PER2: variants seen among roughly 807,000 people sequenced by gnomAD.
PER2 encodes the protein period circadian protein homolog 2.
Under a neutral mutation model 121.0 loss-of-function variants are expected in PER2, and 66 were observed. That is an observed-to-expected ratio of 0.55 (90% CI 0.45 to 0.67). The LOEUF is 0.67. PER2 is among the 30% of genes least tolerant of loss of function. The pLI is 0.00. For missense variants in PER2, 1,521 were observed against 1,635.0 expected (o/e 0.93, Z 1.20); for synonymous variants, 684 against 659.9 (o/e 1.04, Z -0.56).
upstream of PER2, chr2:238,288,622 G>A (rs1402598603): frequency 1.3e-5 from 2 of 150,596 alleles, no homozygotes; most frequent in Non-Finnish European, 3.0e-5. Context: ...AAGCCGCAGC[G>A]GGGCCGCGCC....
Position 238,250,580 on chromosome 2 carries a change from G to A in PER2, c.3438C>T (p.Ser1146=), listed in dbSNP as rs140643763. The A allele has an allele frequency of 7.5e-5, 121 of 1,613,338 alleles. No individual in the cohort carries two copies. The African/African-American group carries it at 1.3e-3, about 17-fold the overall frequency. Reference sequence around the variant, plus strand: ...AAGGCAGCTGGTACGTCATCATGACGCTGCTGTCCGCATCTGCCATCAGCA... The same window carrying A: ...AAGGCAGCTGGTACGTCATCATGACACTGCTGTCCGCATCTGCCATCAGCA... The part of the protein sequence containing the change: ...IWLLMADADS[S]VMMTYQLPSR... The change falls in exon 21 of 23, where the codon AGC becomes AGT. Residue 1146 remains serine (S), a synonymous_variant. Coordinates refer to ENST00000254657, the MANE Select transcript of PER2 (RefSeq NM_022817.3).
intron 20 of PER2, 76 bp downstream of exon 20, chr2:238,251,523 G>A: frequency 4.4e-6 from 6 of 1,364,894 alleles, no homozygotes; most frequent in Non-Finnish European, 5.2e-6. Context: ...GAGCACAGAG[G>A]CCGGCCTGTG....
Position 238,271,414 on chromosome 2 carries a change from C to T in PER2, c.670G>A (p.Asp224Asn), listed in dbSNP as rs758101911. The T allele has an allele frequency of 1.5e-5, 24 of 1,614,030 alleles. No individual in the cohort carries two copies. Among genetic ancestry groups the T allele is most frequent in the African/African-American group, 2.7e-5 (2 of 75,068 alleles). The change falls in exon 6 of 23, where the codon GAT (aspartate) becomes AAT (asparagine). Residue 224 changes from aspartate to asparagine, a missense_variant. Asp to Asn is a conservative substitution (Grantham distance 23). Transcript: ENST00000254657. ...GCCAGGAACTCCACAAACTTGGCAT[C>T]GCTGAAGGCATCTCTTTTACAGTGA... is the stretch of plus-strand genomic sequence containing the variant. Reference protein sequence around the residue: ...IFHCKRDAFSDAKFVEFLAPH... With the variant: ...IFHCKRDAFSNAKFVEFLAPH...
intron 1 of PER2, among the ~76,000 whole-genome samples, chr2:238,283,668 C>CA (rs2106330752): frequency 1.3e-5 from 2 of 152,342 alleles, no homozygotes; most frequent in Non-Finnish European, 2.9e-5. Context: ...GAGTTCTGTG[C>CA]AACAAGATCT....
At chr2:238,292,444 A>G (rs889104715), upstream of PER2, among the ~76,000 whole-genome samples, 2 of 152,174 alleles carry the variant, frequency 1.3e-5, no homozygotes, top group African/African-American at 4.8e-5. Flanking sequence ...CCATGTCCCA[A>G]TGGCTCCTTT....
intron 17 of PER2, among the ~76,000 whole-genome samples, chr2:238,256,136 C>CTT (rs1695754036): frequency 1.3e-5 from 2 of 152,228 alleles, no homozygotes; most frequent in African/African-American, 4.8e-5. Context: ...TGCTCAGGAA[C>CTT]CTGGGGCTGA....
At chr2:238,246,715 TAA>T (rs1332255591) in intron 22 of PER2, among the ~76,000 whole-genome samples, 191 bp from the exon 23 acceptor site, 3 of 151,958 alleles carry the variant, frequency 2.0e-5, no homozygotes, top group Non-Finnish European at 4.4e-5. Flanking sequence ...TCTCTACTAA[TAA>T]TACAAAAAAT....
At position 238,260,972 on chromosome 2, in the gene PER2, G is replaced by A; in HGVS notation, c.1417-19C>T. Reference sequence around the variant, plus strand: ...GGACGGGCTGGGGAGACAGCAGACAGCGCTACAGACACAGCCAGGGCTGCT... The same window carrying A: ...GGACGGGCTGGGGAGACAGCAGACAACGCTACAGACACAGCCAGGGCTGCT... On this transcript the variant is annotated intron_variant, in intron 12 of 22. Transcript: ENST00000254657. 1 of 1,610,288 alleles carries A rather than the reference G, an allele frequency of 6.2e-7. No individual in the cohort carries two copies. The highest frequency in any genetic ancestry group is 1.7e-5 in the Admixed American group (1 of 60,022).
chr2:238,290,019 C>G (rs1696921043), upstream of PER2: 1 of 152,124 alleles, frequency 6.6e-6, no homozygotes, highest in African/African-American at 2.4e-5. Context: ...TCTTCTTGTT[C>G]TTCTTTACCT....
In PER2 at chr2:238,261,822, CTCAT is replaced by C. The variant is rs1324745753; in HGVS notation, c.1319_1322del (p.Asn440ArgfsTer55). ...TGCAGGGGTGGGCTGCAAACACGTCCTCATTCAAAGGGCCCCTGCGTGGTTTTAA... is the reference window on the plus strand; with the variant it reads ...TGCAGGGGTGGGCTGCAAACACGTCCTCAAAGGGCCCCTGCGTGGTTTTAA... On this transcript the variant is annotated frameshift_variant, in exon 12 of 23. Coordinates refer to ENST00000254657, the MANE Select transcript of PER2 (RefSeq NM_022817.3). LOFTEE classifies it high-confidence loss of function. 2 of 1,566,360 alleles carry C rather than the reference CTCAT, an allele frequency of 1.3e-6. No individual in the cohort carries two copies. Among genetic ancestry groups the C allele is most frequent in the Non-Finnish European group, 1.7e-6 (2 of 1,154,552 alleles).
chr2:238,270,397 A>T (rs911407961), intron 6 of PER2, among the ~76,000 whole-genome samples: 1 of 152,092 alleles, frequency 6.6e-6, no homozygotes, highest in Admixed American at 6.5e-5. Context: ...AAAAACAGAA[A>T]TCTCTGCTTT....
At chr2:238,290,698 T>G (rs1459779135), upstream of PER2, among the ~76,000 whole-genome samples, 1 of 152,152 alleles carries the variant, frequency 6.6e-6, no homozygotes, top group South Asian at 2.1e-4. Context: ...TTGTGTACAC[T>G]CCACAAATAC....
intron 18 of PER2, 164 bp downstream of exon 18, chr2:238,255,493 A>G: frequency 1.3e-6 from 1 of 755,778 alleles, no homozygotes; most frequent in East Asian, 2.5e-5. Context: ...CCCGGTGGGA[A>G]GTTCTACAGA....
At chr2:238,280,397 G>A (rs780634392) in intron 1 of PER2, among the ~76,000 whole-genome samples, 2 of 152,150 alleles carry the variant, frequency 1.3e-5, no homozygotes, top group Admixed American at 6.5e-5. Flanking sequence ...AAGCCAACAC[G>A]GGGCTGTGGA....
In PER2 at chr2:238,263,070, G is replaced by A. The variant is rs1356888002; in HGVS notation, c.1047-12C>T. On this transcript the variant is annotated splice_polypyrimidine_tract_variant and intron_variant, in intron 9 of 22. Coordinates refer to ENST00000254657, the MANE Select transcript of PER2 (RefSeq NM_022817.3). ...GGAGAGGGACCGCCCTGGAAGGCAA[G>A]CAGACACACGCTAGGATTGGCATCC... 24 of 1,456,888 alleles carry A rather than the reference G, an allele frequency of 1.6e-5. No homozygotes were observed. Among genetic ancestry groups the A allele is most frequent in the Non-Finnish European group, 2.2e-5 (23 of 1,037,250 alleles). The allele number at this position is 1,456,888 out of a possible 1,614,324, so 90.2% of individuals were successfully genotyped here. A position where few individuals can be genotyped will look rare whatever the true frequency, so the allele number is the denominator to read the frequency against.
intron 9 of PER2, among the ~76,000 whole-genome samples, chr2:238,264,547 T>C (rs550438438): frequency 1.3e-5 from 2 of 152,360 alleles, no homozygotes; most frequent in East Asian, 3.9e-4. Flanking sequence ...CCCAGCACAC[T>C]GGTGCTTCTT....
intron 21 of PER2, 143 bp downstream of exon 21, chr2:238,250,408 G>A: frequency 1.4e-6 from 1 of 692,328 alleles, no homozygotes; most frequent in Non-Finnish European, 2.6e-6. Context: ...CCAGAGGGAA[G>A]CCTGCTTCTC....
At chr2:238,255,167 T>C (rs776705596) in intron 18 of PER2, 2 of 225,014 alleles carry the variant, frequency 8.9e-6, no homozygotes, top group Non-Finnish European at 1.8e-5. Context: ...ACCATGACCA[T>C]GGACTCTGCC....
At position 238,253,126 on chromosome 2, in the gene PER2, C is replaced by T. The variant is rs148312343; in HGVS notation, c.2897G>A (p.Arg966Gln). Reference protein sequence around the residue: ...PRQPCACPATRATPPSAMGRA... With the variant: ...PRQPCACPATQATPPSAMGRA... The stretch of plus-strand genomic sequence containing the variant: ...ACCCATGGCCGATGGTGGGGTGGCC[C>T]GGGTGGCTGGACAAGCACATGGCTG... The change falls in exon 19 of 23, where the codon CGG becomes CAG. Residue 966 changes from arginine to glutamine, a missense_variant. Transcript: ENST00000254657. The surrounding 1 kb of genome is among the most constrained non-coding windows in gnomAD (Gnocchi z 5.6). 3.1e-5 allele frequency: 50 copies of T among 1,603,240 alleles called. No homozygotes were observed. The highest frequency in any genetic ancestry group is 1.0e-4 in the Admixed American group (6 of 59,620).
Sources: gnomAD v4.1 joint callset for allele counts (sites outside exome capture counted in the v4.1 genomes callset) on GRCh38, gnomAD v4.1.1 for gene constraint, Gnocchi (gnomAD v3.1) non-coding constraint, MANE v1.5 for transcripts, NCBI Gene and HGNC (gene_info 2026-07-23, HGNC 2026-07-21) for gene names.